The following MYO16 variants were observed in gnomAD, a reference collection of about 807,000 sequenced individuals.
MYO16 encodes the protein myosin XVI.
Under a neutral mutation model 205.3 loss-of-function variants are expected in MYO16, and 94 were observed. The ratio of observed to expected loss-of-function variants is 0.46; its 90% CI spans 0.39 to 0.54. MYO16 has a LOEUF of 0.54. Ranked by LOEUF, MYO16 falls within the 20% of genes least tolerant of loss-of-function variation. MYO16 has a pLI of 0.00. For missense variants in MYO16, 2,315 were observed against 2,387.5 expected, an observed-to-expected ratio of 0.97 and a Z score of 0.63; for synonymous variants, 988 against 954.0, an observed-to-expected ratio of 1.04 and a Z score of -0.66.
At chr13:108,993,514 G>T (rs1049973809) in intron 21 of MYO16, among the ~76,000 whole-genome samples, 2 of 152,130 alleles carry the variant, frequency 1.3e-5, no homozygotes, top group Non-Finnish European at 2.9e-5. Flanking sequence ...GCATCATCCT[G>T]TGTTTAGATG....
chr13:108,615,648 G>T (rs910287533), intron 1 of MYO16, among the ~76,000 whole-genome samples: 1 of 152,126 alleles, frequency 6.6e-6, no homozygotes, highest in African/African-American at 2.4e-5. Flanking sequence ...GATCCATGCT[G>T]TCAGATATAT....
intron 16 of MYO16, among the ~76,000 whole-genome samples, chr13:108,926,509 G>A (rs1180287100): frequency 1.3e-5 from 2 of 152,086 alleles, no homozygotes; most frequent in African/African-American, 2.4e-5. Flanking sequence ...TCGTGCTCAG[G>A]CGCAGGAGAA....
At position 109,141,294 on chromosome 13, in the gene MYO16, G is replaced by A. The variant is rs978458629; in HGVS notation, c.5082G>A (p.Leu1694=). 1 of 1,597,254 alleles carries A rather than the reference G, an allele frequency of 6.3e-7. No individual in the cohort carries two copies. The highest frequency in any genetic ancestry group is 8.5e-7 in the Non-Finnish European group (1 of 1,172,492). Residue 1694 remains leucine (L), a synonymous_variant, in exon 32 of 35, where the codon CTG becomes CTA. Coordinates refer to ENST00000457511, the MANE Select transcript of MYO16 (RefSeq NM_001198950.3). This position sits in a 1 kb window ranked among gnomAD's most constrained non-coding sequence, Gnocchi z 4.1. The part of the protein sequence containing the change: ...PPSSRPLSSP[L]DELASLFNSG... ...GCTCCAGGCCTCTCAGCAGCCCCCT[G>A]GACGAGCTCGCCAGCCTCTTCAACT... is the stretch of plus-strand genomic sequence containing the variant.
At chr13:109,031,145 G>A (rs879772252) in intron 23 of MYO16, among the ~76,000 whole-genome samples, 1 of 152,078 alleles carries the variant, frequency 6.6e-6, no homozygotes, top group Admixed American at 6.5e-5. Context: ...AGGCTGGAGT[G>A]CAACGGCGCG....
intron 2 of MYO16, among the ~76,000 whole-genome samples, chr13:108,683,911 C>T (rs1477832184): frequency 1.3e-5 from 2 of 152,140 alleles, no homozygotes; most frequent in Non-Finnish European, 2.9e-5. Context: ...CAGTCTCGCT[C>T]TGTCGCCAGG....
At chr13:108,926,296 G>A (rs978108188) in intron 16 of MYO16, among the ~76,000 whole-genome samples, 2 of 152,172 alleles carry the variant, frequency 1.3e-5, no homozygotes, top group Non-Finnish European at 2.9e-5. Context: ...TTCTATCTCC[G>A]ATTCAAAGAG....
rs557718403 is a variant in MYO16, at chr13:108,669,221, G to A, written c.292+3072G>A. Among the ~76,000 whole-genome samples the A allele has an allele frequency of 2.6e-5, 4 of 152,220 alleles. No individual in the cohort carries two copies. In the South Asian group the frequency reaches 8.3e-4, roughly 32 times the overall value. On this transcript the variant is annotated intron_variant, in intron 2 of 34. Coordinates refer to ENST00000457511, the MANE Select transcript of MYO16 (RefSeq NM_001198950.3). ...CCAGGAAGAAAGGATGAAAATGAGG[G>A]AGGGTGCTTTCTTGGGAGCCAAGAT...
intron 16 of MYO16, among the ~76,000 whole-genome samples, chr13:108,941,477 G>T (rs1312758731): frequency 6.6e-6 from 1 of 152,020 alleles, no homozygotes; most frequent in Admixed American, 6.6e-5. Context: ...AGGAGTTCAA[G>T]ACCAGCCTGG....
intron 1 of MYO16, among the ~76,000 whole-genome samples, chr13:108,614,619 G>T (rs1056682028): frequency 6.6e-6 from 1 of 152,024 alleles, no homozygotes; most frequent in African/African-American, 2.4e-5. Flanking sequence ...CTGGCATAAG[G>T]CTGGATATAT....
intron 2 of MYO16, among the ~76,000 whole-genome samples, chr13:108,666,542 C>T (rs1016654043): frequency 2.6e-5 from 4 of 151,950 alleles, no homozygotes; most frequent in Non-Finnish European, 5.9e-5. Flanking sequence ...AGGCTGGTCT[C>T]GAACTCCAGA....
chr13:108,784,088 CTGGA>C (rs1886386644), intron 4 of MYO16, among the ~76,000 whole-genome samples: 1 of 152,182 alleles, frequency 6.6e-6, no homozygotes, highest in African/African-American at 2.4e-5. Context: ...CTGAGTCACT[CTGGA>C]TGTTTACCTC....
the MYO16 span, among the ~76,000 whole-genome samples, chr13:108,531,714 C>G: frequency 6.6e-6 from 1 of 151,628 alleles, no homozygotes; most frequent in Admixed American, 6.6e-5. Flanking sequence ...ACACAAGGCA[C>G]AGGGCCTGTA....
Position 108,907,205 on chromosome 13 carries a change from T to A in MYO16, c.1778-2798T>A, listed in dbSNP as rs77439843. The stretch of plus-strand genomic sequence containing the variant: ...AAGTTTATTTCCACCACTTTTTTTT[T>A]ATATAATGAACAAAAGCTGTATAGC... On this transcript the variant is annotated intron_variant, in intron 15 of 34. Coordinates refer to ENST00000457511, the MANE Select transcript of MYO16 (RefSeq NM_001198950.3). Among the ~76,000 whole-genome samples, 1,440 of 152,286 alleles carry A rather than the reference T, an allele frequency of 9.5e-3. 22 individuals carry two copies. The highest frequency in any genetic ancestry group is 0.032 in the African/African-American group (1,326 of 41,562).
chr13:108,597,665 G>A lies in MYO16; in HGVS notation c.-39+1426G>A, dbSNP rs191714257. 2.0e-4 allele frequency among the ~76,000 whole-genome samples: 30 copies of A among 152,168 alleles called. No homozygotes were observed. In the East Asian group the frequency reaches 5.8e-3, roughly 29 times the overall value. On this transcript the variant is annotated intron_variant, in intron 1 of 24. Transcript: ENST00000251041. ...ATTGGTAGTTCTCCTGCCCTCTCCT[G>A]CCCTGCCGTTCCCCTCCACTTTCTA... is the stretch of plus-strand genomic sequence containing the variant.
At chr13:108,810,714 A>G (rs1013139240) in intron 7 of MYO16, among the ~76,000 whole-genome samples, 1 of 152,146 alleles carries the variant, frequency 6.6e-6, no homozygotes, top group African/African-American at 2.4e-5. Flanking sequence ...TGTTTAGGGG[A>G]AAAAGCGTTA....
chr13:109,065,710 A>G (rs1022327405), intron 27 of MYO16: 20 of 349,182 alleles, frequency 5.7e-5, no homozygotes, highest in Admixed American at 2.8e-4. Context: ...TTGTGGTCCT[A>G]TGGCTCTCTC....
chr13:108,845,157 TA>T (rs1355460314), intron 10 of MYO16, among the ~76,000 whole-genome samples: 7 of 152,358 alleles, frequency 4.6e-5, no homozygotes, highest in Admixed American at 6.5e-5. Flanking sequence ...ATCTAATTTT[TA>T]ATATTTTATA....
intron 21 of MYO16, among the ~76,000 whole-genome samples, chr13:108,997,218 G>GA (rs1345099681): frequency 6.6e-6 from 1 of 151,794 alleles, no homozygotes; most frequent in African/African-American, 2.4e-5. Flanking sequence ...TTAAACCTGG[G>GA]AGGTTGAGGC....
chr13:109,090,113 A>G (rs1888572461), intron 27 of MYO16, among the ~76,000 whole-genome samples: 1 of 152,120 alleles, frequency 6.6e-6, no homozygotes, highest in Admixed American at 6.6e-5. Flanking sequence ...CTTAGTTTGG[A>G]AGTAGAAGGG....
Sources: allele counts gnomAD v4.1 joint callset (sites outside exome capture counted in the v4.1 genomes callset), GRCh38; gene constraint gnomAD v4.1.1; non-coding constraint Gnocchi (gnomAD v3.1); transcripts MANE v1.5; gene names NCBI Gene and HGNC (gene_info 2026-07-23, HGNC 2026-07-21).